Variants in LOXL2 observed in about 807,000 individuals in gnomAD.
The protein encoded by LOXL2 is lysyl oxidase like 2, also known as lysyl oxidase homolog 2.
LOXL2 carries 70 observed loss-of-function variants against 93.0 expected under a neutral mutation model. The ratio of observed to expected loss-of-function variants is 0.75; its 90% CI spans 0.62 to 0.92. The LOEUF (loss-of-function observed/expected upper bound fraction) is 0.92, where lower values mean the gene tolerates loss of function less well. Ranked by LOEUF, LOXL2 falls within the 40% of genes least tolerant of loss-of-function variation. The pLI, the probability that LOXL2 is intolerant of heterozygous loss-of-function variation, is 0.00. For missense variants in LOXL2, 973 were observed against 1,054.9 expected (o/e 0.92, Z 1.08); for synonymous variants, 438 against 413.2 (o/e 1.06, Z -0.73).
At chr8:23,367,340 C>T (rs909779837) in intron 2 of LOXL2, among the ~76,000 whole-genome samples, 2 of 152,134 alleles carry the variant, frequency 1.3e-5, no homozygotes, top group African/African-American at 2.4e-5. Context: ...TGAGCCACTG[C>T]GCCTGGCCAG....
chr8:23,346,132 T>A (rs1411578968), intron 3 of LOXL2, among the ~76,000 whole-genome samples: 1 of 28,748 alleles, frequency 3.5e-5, no homozygotes, highest in Non-Finnish European at 6.6e-5. Flanking sequence ...TAAAATAAAA[T>A]AAAATAAAAT....
intron 3 of LOXL2, among the ~76,000 whole-genome samples, chr8:23,356,047 C>T (rs1804191479): frequency 6.6e-6 from 1 of 152,192 alleles, no homozygotes; most frequent in Non-Finnish European, 1.5e-5. Flanking sequence ...ATTATTTCAA[C>T]CTACAGCAGT....
chr8:23,320,439 G>A (rs549389879), intron 7 of LOXL2, among the ~76,000 whole-genome samples: 18 of 152,274 alleles, frequency 1.2e-4, no homozygotes, highest in Non-Finnish European at 1.9e-4. Flanking sequence ...CCTACCTGGC[G>A]GGTTCCAGAG....
intron 3 of LOXL2, among the ~76,000 whole-genome samples, chr8:23,346,132 TA>T (rs1183179278): frequency 2.1e-4 from 6 of 28,774 alleles, no homozygotes; most frequent in East Asian, 1.1e-3. Flanking sequence ...TAAAATAAAA[TA>T]AAATAAAATA....
At chr8:23,402,218 AAC>A (rs1007853627) in intron 1 of LOXL2, among the ~76,000 whole-genome samples, 3 of 149,316 alleles carry the variant, frequency 2.0e-5, no homozygotes, top group Non-Finnish European at 3.0e-5. Context: ...TGCGCATATA[AAC>A]ACACACCGGT....
chr8:23,298,476 G>A (rs149503460), intron 13 of LOXL2, among the ~76,000 whole-genome samples: 83 of 152,330 alleles, frequency 5.4e-4, no homozygotes, highest in African/African-American at 1.9e-3. Flanking sequence ...ACAGTAGTTT[G>A]CTAGCTTCCA....
At chr8:23,373,312 G>A (rs1296664680) in intron 1 of LOXL2, among the ~76,000 whole-genome samples, 4 of 152,156 alleles carry the variant, frequency 2.6e-5, no homozygotes, top group African/African-American at 7.2e-5. Flanking sequence ...CGGAGGGGGG[G>A]CCTAACTTTG....
chr8:23,313,306 C>A (rs1317290819), intron 9 of LOXL2, among the ~76,000 whole-genome samples: 4 of 152,098 alleles, frequency 2.6e-5, no homozygotes, highest in Non-Finnish European at 5.9e-5. Flanking sequence ...CTTTAAAGTT[C>A]ATGTGGAGCC....
chr8:23,395,346 T>C (rs1800078007), intron 1 of LOXL2, among the ~76,000 whole-genome samples: 1 of 146,466 alleles, frequency 6.8e-6, no homozygotes, highest in Non-Finnish European at 1.5e-5. Context: ...CCACATATTA[T>C]ATGATTCTAT....
intron 1 of LOXL2, among the ~76,000 whole-genome samples, chr8:23,373,396 C>A (rs1222046571): frequency 6.6e-6 from 1 of 152,140 alleles, no homozygotes; most frequent in Non-Finnish European, 1.5e-5. Context: ...AGTGCAGTGG[C>A]GTGATCATAG....
chr8:23,346,852 G>T (rs1418964508), intron 3 of LOXL2, among the ~76,000 whole-genome samples: 1 of 152,152 alleles, frequency 6.6e-6, no homozygotes, highest in African/African-American at 2.4e-5. Flanking sequence ...AGGGTGAGGA[G>T]GGGTGGCAGG....
chr8:23,342,970 C>T (rs186486311), intron 3 of LOXL2, among the ~76,000 whole-genome samples: 8 of 152,256 alleles, frequency 5.3e-5, no homozygotes, highest in Non-Finnish European at 1.0e-4. Context: ...AAGCTGGTTT[C>T]GAACTCCTGG....
intron 6 of LOXL2, among the ~76,000 whole-genome samples, chr8:23,327,859 G>A (rs1376434741): frequency 6.6e-6 from 1 of 152,188 alleles, no homozygotes; most frequent in Non-Finnish European, 1.5e-5. Context: ...TAAAAAGCAG[G>A]CCCTTTCTCA....
intron 3 of LOXL2, 118 bp downstream of exon 3, chr8:23,359,972 G>A: frequency 1.1e-6 from 1 of 917,112 alleles, no homozygotes. Context: ...TAATCCCATT[G>A]GGTGAGGTAC....
chr8:23,313,965 AT>A (rs1226067689), intron 9 of LOXL2, among the ~76,000 whole-genome samples: 28 of 76,654 alleles, frequency 3.7e-4, no homozygotes, highest in South Asian at 7.3e-4. Context: ...AAACAACCCC[AT>A]CAAAAAGTGG....
At chr8:23,344,975 C>T (rs1325331342) in intron 3 of LOXL2, among the ~76,000 whole-genome samples, 2 of 152,188 alleles carry the variant, frequency 1.3e-5, no homozygotes, top group Non-Finnish European at 1.5e-5. Context: ...CCAACCACAG[C>T]GCCCTGTGTC....
chr8:23,401,500 C>G (rs1278440165), intron 1 of LOXL2, among the ~76,000 whole-genome samples: 1 of 152,076 alleles, frequency 6.6e-6, no homozygotes, highest in Non-Finnish European at 1.5e-5. Flanking sequence ...ATAGGATTTG[C>G]TTTAAACTAC....
intron 4 of LOXL2, among the ~76,000 whole-genome samples, chr8:23,339,741 C>T (rs77455315): frequency 1.3e-3 from 200 of 152,300 alleles, no homozygotes; most frequent in African/African-American, 4.4e-3. Context: ...CAGAGGACGG[C>T]GACTCCTGGT....
chr8:23,349,878 G>A (rs1186204736), intron 3 of LOXL2, among the ~76,000 whole-genome samples: 2 of 151,978 alleles, frequency 1.3e-5, no homozygotes, highest in African/African-American at 4.8e-5. Flanking sequence ...TCCAACAACA[G>A]GAGTTTAGCT....
Sources: gnomAD v4.1 joint callset for allele counts (sites outside exome capture counted in the v4.1 genomes callset) on GRCh38, gnomAD v4.1.1 for gene constraint, MANE v1.5 for transcripts, NCBI Gene and HGNC (gene_info 2026-07-23, HGNC 2026-07-21) for gene names.